Variants in MRTFA observed in about 807,000 individuals in gnomAD.
MRTFA encodes the protein myocardin related transcription factor A.
In MRTFA, 20 loss-of-function variants were observed where a neutral mutation model predicts 83.5. The ratio of observed to expected loss-of-function variants is 0.24; its 90% confidence interval spans 0.17 to 0.35. The LOEUF (loss-of-function observed/expected upper bound fraction) is 0.35, where lower values mean the gene tolerates loss of function less well. MRTFA is among the 10% of genes least tolerant of loss of function. The probability of loss-of-function intolerance (pLI) is 1.00; values close to 1 mark genes in which losing one functional copy is unlikely to be tolerated. For synonymous variants in MRTFA, 659 were observed against 541.2 expected, an observed-to-expected ratio of 1.22 and a Z score of -3.02; for missense variants, 1,200 against 1,224.7, an observed-to-expected ratio of 0.98 and a Z score of 0.30.
At chr22:40,556,445 G>A (rs1256707615) in intron 2 of MRTFA, among the ~76,000 whole-genome samples, 3 of 151,900 alleles carry the variant, frequency 2.0e-5, no homozygotes, top group East Asian at 3.9e-4. Context: ...TTAACATGAG[G>A]GAGATAATAT....
chr22:40,427,168 A>G (rs2052971506), intron 7 of MRTFA, among the ~76,000 whole-genome samples: 1 of 152,220 alleles, frequency 6.6e-6, no homozygotes, highest in South Asian at 2.1e-4. Flanking sequence ...TGGCTGCAGC[A>G]TCCAGAACTG....
intron 4 of MRTFA, among the ~76,000 whole-genome samples, chr22:40,449,470 A>C (rs1419549196): frequency 1.3e-5 from 2 of 152,108 alleles, no homozygotes; most frequent in African/African-American, 4.8e-5. Flanking sequence ...TTCAAGAATC[A>C]TTTGCATGAA....
At chr22:40,420,648 G>A (rs1569253963) in intron 10 of MRTFA, 72 bp from the exon 11 acceptor site, 2 of 1,576,298 alleles carry the variant, frequency 1.3e-6, no homozygotes, top group Non-Finnish European at 1.7e-6. Context: ...GCCCAAGCCT[G>A]GGCAGCAGGA....
intron 12 of MRTFA, 24 bp from the exon 13 acceptor site, chr22:40,417,517 ACCAGTGG>A (rs1383711456): frequency 1.6e-6 from 2 of 1,253,988 alleles, no homozygotes; most frequent in Admixed American, 5.0e-5. Flanking sequence ...CAGGGAGAGG[ACCAGTGG>A]CCAGGGGGCT....
At chr22:40,542,117 C>G (rs936433898) in intron 3 of MRTFA, among the ~76,000 whole-genome samples, 1 of 152,154 alleles carries the variant, frequency 6.6e-6, no homozygotes, top group African/African-American at 2.4e-5. Context: ...CATTTCACAT[C>G]ACTTCCTCCC....
Position 40,428,219 on chromosome 22 carries a change from C to A in MRTFA, c.601+1387G>T, listed in dbSNP as rs185817610. Among the ~76,000 whole-genome samples the A allele has an allele frequency of 4.6e-3, 704 of 152,248 alleles. 9 individuals carry two copies. The highest frequency in any genetic ancestry group is 0.016 in the African/African-American group (656 of 41,550). ...TGTAAAATAACCTGGGGCTTGGGAC[C>A]AGCATGGGAAGTGGGGCTAAGTCTT... On this transcript the variant is annotated intron_variant, in intron 7 of 14. Coordinates refer to ENST00000355630, the MANE Select transcript of MRTFA (RefSeq NM_020831.6).
At chr22:40,413,342 A>AT (rs113118987) in intron 14 of MRTFA, among the ~76,000 whole-genome samples, 2,059 of 136,786 alleles carry the variant, frequency 0.015, 17 homozygotes, top group Non-Finnish European at 0.018. Flanking sequence ...TTTTACCACA[A>AT]TTTTTTTTTT....
chr22:40,420,793 G>A, intron 10 of MRTFA, 54 bp downstream of exon 10: 1 of 1,604,560 alleles, frequency 6.2e-7, no homozygotes, highest in East Asian at 2.2e-5. Flanking sequence ...GCACCTGCCT[G>A]GCTCAGGGTG....
intron 1 of MRTFA, among the ~76,000 whole-genome samples, chr22:40,634,920 CTAAA>C (rs1479832370): frequency 1.3e-5 from 2 of 152,174 alleles, no homozygotes; most frequent in Non-Finnish European, 2.9e-5. Flanking sequence ...TGATTTGACT[CTAAA>C]TAACTTATTC....
At chr22:40,520,947 T>C (rs1411073173) in intron 3 of MRTFA, among the ~76,000 whole-genome samples, 2 of 152,160 alleles carry the variant, frequency 1.3e-5, no homozygotes, top group African/African-American at 2.4e-5. Flanking sequence ...GGTCACAGGA[T>C]CTATGTTTAA....
intron 4 of MRTFA, among the ~76,000 whole-genome samples, chr22:40,459,862 T>TATATATATACACAC (rs796103400): frequency 1.6e-5 from 2 of 121,498 alleles, no homozygotes; most frequent in Middle Eastern, 4.2e-3. Flanking sequence ...TATATATATA[T>TATATATATACACAC]ACACACATGA....
intron 3 of MRTFA, among the ~76,000 whole-genome samples, chr22:40,477,854 AAAAG>A (rs2054024049): frequency 6.6e-6 from 1 of 152,102 alleles, no homozygotes; most frequent in African/African-American, 2.4e-5. Flanking sequence ...AGGGGAAACA[AAAAG>A]AAAGGGAACT....
At chr22:40,481,229 T>C (rs2054085258) in intron 3 of MRTFA, among the ~76,000 whole-genome samples, 1 of 152,132 alleles carries the variant, frequency 6.6e-6, no homozygotes, top group Non-Finnish European at 1.5e-5. Flanking sequence ...GCTCTCAGTG[T>C]GGGAACATCC....
At chr22:40,599,098 G>C (rs111685810) in intron 1 of MRTFA, among the ~76,000 whole-genome samples, 41 of 151,596 alleles carry the variant, frequency 2.7e-4, no homozygotes, top group African/African-American at 9.4e-4. Flanking sequence ...GGGAGTTCGA[G>C]ACTAGCCTGG....
intron 2 of MRTFA, among the ~76,000 whole-genome samples, chr22:40,584,455 A>G (rs575852914): frequency 1.3e-5 from 2 of 152,328 alleles, no homozygotes; most frequent in African/African-American, 2.4e-5. Flanking sequence ...GCTAAGTCTC[A>G]GGCAGGCGTG....
At chr22:40,513,543 G>C (rs1377513629) in intron 3 of MRTFA, among the ~76,000 whole-genome samples, 3 of 149,414 alleles carry the variant, frequency 2.0e-5, no homozygotes, top group African/African-American at 7.4e-5. Context: ...AGAGGTTGCA[G>C]TGAGCCAAGA....
chr22:40,625,784 A>T (rs1028669888), intron 1 of MRTFA, among the ~76,000 whole-genome samples: 1 of 152,160 alleles, frequency 6.6e-6, no homozygotes, highest in Non-Finnish European at 1.5e-5. Flanking sequence ...TCCGTCTCAT[A>T]AATGAAAATA....
chr22:40,484,900 G>C (rs1807582), intron 3 of MRTFA, among the ~76,000 whole-genome samples: 2 of 151,298 alleles, frequency 1.3e-5, no homozygotes, highest in African/African-American at 4.9e-5. Flanking sequence ...GTGAAACCCC[G>C]TCTCTACTAA....
At chr22:40,418,327 T>C in intron 12 of MRTFA, 47 bp downstream of exon 12, 1 of 1,591,588 alleles carries the variant, frequency 6.3e-7, no homozygotes, top group Non-Finnish European at 8.5e-7. Context: ...GAGACGCTCT[T>C]CCCACCCTCC....
Sources: gnomAD v4.1 joint callset for allele counts (sites outside exome capture counted in the v4.1 genomes callset) on GRCh38, gnomAD v4.1.1 for gene constraint, MANE v1.5 for transcripts, NCBI Gene and HGNC (gene_info 2026-07-23, HGNC 2026-07-21) for gene names.